The following LRRN1 variants were observed in gnomAD, a reference collection of about 807,000 sequenced individuals.
The protein encoded by LRRN1 is leucine-rich repeat neuronal protein 1.
LRRN1 carries 14 observed loss-of-function variants against 45.8 expected under a neutral mutation model. The observed-to-expected ratio is 0.31, with a 90% CI of 0.20 to 0.48. The LOEUF is 0.48. LRRN1 is among the 20% of genes least tolerant of loss of function. The pLI is 0.99. For missense variants in LRRN1, 789 were observed against 874.2 expected (o/e 0.90, Z 1.23); for synonymous variants, 359 against 330.1 (o/e 1.09, Z -0.95).
At position 3,848,200 on chromosome 3, in the gene LRRN1, A is replaced by C. The variant is rs1000534255; in HGVS notation, c.*1408A>C. Among the ~76,000 whole-genome samples the C allele has an allele frequency of 1.3e-5, 2 of 152,180 alleles. No individual in the cohort carries two copies. Among genetic ancestry groups the C allele is most frequent in the African/African-American group, 4.8e-5 (2 of 41,432 alleles). On this transcript the variant is annotated 3_prime_UTR_variant, in exon 2 of 2. Coordinates refer to ENST00000319331, the MANE Select transcript of LRRN1 (RefSeq NM_020873.7). The stretch of plus-strand genomic sequence containing the variant: ...GTGGCAATATCTGCTGAGACAAGTA[A>C]ATGATTAATAGAAAACAAAACAACT...
chr3:3,832,371 A>G (rs1693391261), intron 1 of LRRN1, among the ~76,000 whole-genome samples: 1 of 152,210 alleles, frequency 6.6e-6, no homozygotes, highest in African/African-American at 2.4e-5. Flanking sequence ...TATGCCAATT[A>G]TGCATTCTGG....
intron 1 of LRRN1, among the ~76,000 whole-genome samples, chr3:3,843,575 C>CG (rs997031273): frequency 2.0e-5 from 3 of 151,298 alleles, no homozygotes; most frequent in East Asian, 3.9e-4. Context: ...CTGTACCCCC[C>CG]CCCATACCCC....
At chr3:3,834,356 ATAC>A (rs1158565881) in intron 1 of LRRN1, among the ~76,000 whole-genome samples, 5 of 151,126 alleles carry the variant, frequency 3.3e-5, no homozygotes, top group African/African-American at 9.7e-5. Context: ...AGTGTTCTCC[ATAC>A]TATTAGAAGT....
intron 1 of LRRN1, among the ~76,000 whole-genome samples, chr3:3,820,203 T>C (rs1230554982): frequency 6.6e-6 from 1 of 152,190 alleles, no homozygotes; most frequent in Non-Finnish European, 1.5e-5. Context: ...TGTCCAAGAA[T>C]GTGATCTAGA....
At chr3:3,829,091 T>C (rs540060588) in intron 1 of LRRN1, among the ~76,000 whole-genome samples, 16 of 152,104 alleles carry the variant, frequency 1.1e-4, no homozygotes, top group African/African-American at 3.6e-4. Flanking sequence ...TAGTTTTCCA[T>C]TGACCTTAAT....
rs188144784 is a variant in LRRN1 at position 3,821,081 on chromosome 3, C to A, written c.-279+21162C>A. ...TATACAGATATTCCCAGACCCCATC[C>A]CAGACTTACTGAATCAAAATCTCCA... On this transcript the variant is annotated intron_variant, in intron 1 of 1. Transcript: ENST00000319331. Among the ~76,000 whole-genome samples the A allele has an allele frequency of 2.6e-5, 4 of 152,270 alleles. No homozygotes were observed. In the East Asian group the frequency reaches 7.7e-4, roughly 29 times the overall value.
At chr3:3,841,638 G>A (rs1693656010) in intron 1 of LRRN1, among the ~76,000 whole-genome samples, 1 of 151,714 alleles carries the variant, frequency 6.6e-6, no homozygotes, top group African/African-American at 2.4e-5. Context: ...CCTGCCTCAG[G>A]CCCCTGAGTA....
intron 1 of LRRN1, among the ~76,000 whole-genome samples, chr3:3,829,060 C>A (rs1308677795): frequency 1.3e-5 from 2 of 150,388 alleles, no homozygotes; most frequent in African/African-American, 2.5e-5. Context: ...CATTTGTAGT[C>A]CTTTCTGGAT....
chr3:3,805,580 A>G (rs1480094279), intron 1 of LRRN1, among the ~76,000 whole-genome samples: 1 of 152,226 alleles, frequency 6.6e-6, no homozygotes, highest in African/African-American at 2.4e-5. Flanking sequence ...CACCAGTGCG[A>G]ATAATTTGAT....
chr3:3,810,321 G>C (rs1692848276), intron 1 of LRRN1, among the ~76,000 whole-genome samples: 1 of 152,162 alleles, frequency 6.6e-6, no homozygotes, highest in East Asian at 1.9e-4. Flanking sequence ...TCACCTCTCT[G>C]CCTCCACTGT....
In LRRN1 at chr3:3,845,977, G is replaced by C; in HGVS notation, c.1336G>C (p.Asp446His). The change falls in exon 2 of 2, where the codon GAC becomes CAC. Residue 446 changes from aspartate to histidine, a missense_variant. Coordinates refer to ENST00000319331, the MANE Select transcript of LRRN1 (RefSeq NM_020873.7). The surrounding 1 kb of genome is among the most constrained non-coding windows in gnomAD (Gnocchi z 6.5). Reference protein sequence around the residue: ...NVDIGTTVFLDCRAMAEPEPE... With the variant: ...NVDIGTTVFLHCRAMAEPEPE... ...GGATATCGGCACGACGGTTTTCCTA[G>C]ACTGTCGAGCCATGGCTGAGCCAGA... is the stretch of plus-strand genomic sequence containing the variant. The C allele has an allele frequency of 6.2e-7, 1 of 1,614,066 alleles. No homozygotes were observed. Among genetic ancestry groups the C allele is most frequent in the Non-Finnish European group, 8.5e-7 (1 of 1,179,950 alleles).
rs1469212384 is a variant in LRRN1 at position 3,843,559 on chromosome 3, T to A, written c.-278-805T>A. On this transcript the variant is annotated intron_variant, in intron 1 of 1. Coordinates refer to ENST00000319331, the MANE Select transcript of LRRN1 (RefSeq NM_020873.7). ...AGATACTTTGTAGCCTTTAGCACCC[T>A]TCCCACTGTACCCCCCCCCATACCC... Among the ~76,000 whole-genome samples, 6 of 148,712 alleles carry A rather than the reference T, an allele frequency of 4.0e-5. No individual in the cohort carries two copies. The East Asian group carries it at 1.2e-3, about 30-fold the overall frequency.
Position 3,847,110 on chromosome 3 carries a change from G to A in LRRN1, c.*318G>A, listed in dbSNP as rs189023948. The A allele has an allele frequency of 5.4e-6, 1 of 185,584 alleles. No individual in the cohort carries two copies. Among genetic ancestry groups the A allele is most frequent in the Non-Finnish European group, 1.2e-5 (1 of 80,222 alleles). The allele number at this position is 185,584 out of a possible 1,614,324, so 11.5% of individuals were successfully genotyped here. On this transcript the variant is annotated 3_prime_UTR_variant, in exon 2 of 2. Coordinates refer to ENST00000319331, the MANE Select transcript of LRRN1 (RefSeq NM_020873.7). ...TTCTAACTACAGTGCTCAATAAAAT[G>A]ATTAATGACAGGATGGGGTTCCCCT...
chr3:3,835,176 G>T (rs945295298), intron 1 of LRRN1, among the ~76,000 whole-genome samples: 5 of 152,168 alleles, frequency 3.3e-5, no homozygotes, highest in Non-Finnish European at 7.3e-5. Context: ...CCCATCTTAA[G>T]TTGAAAATAT....
At chr3:3,809,217 C>A (rs1692826930) in intron 1 of LRRN1, among the ~76,000 whole-genome samples, 1 of 152,110 alleles carries the variant, frequency 6.6e-6, no homozygotes, top group Admixed American at 6.5e-5. Flanking sequence ...GATCTTGGCT[C>A]ACTGCAGCCT....
chr3:3,844,683 G>C lies in LRRN1; in HGVS notation c.42G>C (p.Val14=). The stretch of plus-strand genomic sequence containing the variant: ...TTGTTATAGCAGCTTGCCAATTGGT[G>C]CTGGGCCTACTAATGACTTCATTAA... The part of the protein sequence containing the change: ...MSFVIAACQL[V]LGLLMTSLTE... Residue 14 remains valine, a synonymous_variant, in exon 2 of 2, where the codon GTG becomes GTC. Coordinates refer to ENST00000319331, the MANE Select transcript of LRRN1 (RefSeq NM_020873.7). 6.2e-7 allele frequency: 1 copy of C among 1,614,050 alleles called. No individual in the cohort carries two copies. Among genetic ancestry groups the C allele is most frequent in the Non-Finnish European group, 8.5e-7 (1 of 1,179,952 alleles).
Position 3,848,619 on chromosome 3 carries a change from T to C in LRRN1, c.*1827T>C, listed in dbSNP as rs1333316475. The stretch of plus-strand genomic sequence containing the variant: ...TTAAGGGGTTTTGGCAAACAGAATT[T>C]CAGATCTTGAAACAAATGAGCTGCA... On this transcript the variant is annotated 3_prime_UTR_variant, in exon 2 of 2. Coordinates refer to ENST00000319331, the MANE Select transcript of LRRN1 (RefSeq NM_020873.7). 6.6e-6 allele frequency among the ~76,000 whole-genome samples: 1 copy of C among 152,194 alleles called. No individual in the cohort carries two copies. The highest frequency in any genetic ancestry group is 6.5e-5 in the Admixed American group (1 of 15,280).
chr3:3,808,892 G>A (rs1367780106), intron 1 of LRRN1, among the ~76,000 whole-genome samples: 1 of 152,026 alleles, frequency 6.6e-6, no homozygotes, highest in Non-Finnish European at 1.5e-5. Flanking sequence ...ATTATTAACA[G>A]AACATATTTA....
intron 1 of LRRN1, among the ~76,000 whole-genome samples, chr3:3,835,186 T>C (rs1043550252): frequency 2.0e-5 from 3 of 152,144 alleles, no homozygotes; most frequent in African/African-American, 7.2e-5. Flanking sequence ...GTTGAAAATA[T>C]CATTATGTTT....
Sources: gnomAD v4.1 joint callset for allele counts (sites outside exome capture counted in the v4.1 genomes callset) on GRCh38, gnomAD v4.1.1 for gene constraint, Gnocchi (gnomAD v3.1) non-coding constraint, MANE v1.5 for transcripts, NCBI Gene and HGNC (gene_info 2026-07-23, HGNC 2026-07-21) for gene names.